UTRN: variants seen among roughly 807,000 people sequenced by gnomAD.
UTRN encodes the protein dystrophin-related protein 1.
UTRN carries 283 observed loss-of-function variants against 463.9 expected under a neutral mutation model. The ratio of observed to expected loss-of-function variants is 0.61; its 90% CI spans 0.55 to 0.67. The LOEUF is 0.67. UTRN is among the 30% of genes least tolerant of loss of function. The probability of loss-of-function intolerance (pLI) is 0.00; values close to 1 mark genes in which losing one functional copy is unlikely to be tolerated. For missense variants in UTRN, 3,922 were observed against 4,084.3 expected, an observed-to-expected ratio of 0.96 and a Z score of 1.08; for synonymous variants, 1,442 against 1,431.5, an observed-to-expected ratio of 1.01 and a Z score of -0.17.
intron 2 of UTRN, among the ~76,000 whole-genome samples, chr6:144,370,406 G>A (rs1223507866): frequency 1.3e-5 from 2 of 152,216 alleles, no homozygotes; most frequent in African/African-American, 4.8e-5. Context: ...GCATGGTGTT[G>A]GACCTGTAGG....
intron 66 of UTRN, among the ~76,000 whole-genome samples, chr6:144,824,770 T>TG (rs199498962): frequency 0.09 from 10,270 of 114,162 alleles, 575 homozygotes; most frequent in Middle Eastern, 0.1. Context: ...GTGAAGTTGG[T>TG]GGTGGGGGGG....
intron 63 of UTRN, among the ~76,000 whole-genome samples, chr6:144,795,245 C>T (rs1211500494): frequency 2.0e-5 from 3 of 152,128 alleles, no homozygotes; most frequent in Admixed American, 6.5e-5. Flanking sequence ...TGTATTTGTG[C>T]CACATTTTGT....
chr6:144,631,447 G>A (rs1337818562), intron 51 of UTRN, among the ~76,000 whole-genome samples: 2 of 152,122 alleles, frequency 1.3e-5, no homozygotes, highest in Non-Finnish European at 2.9e-5. Context: ...AGTTTAGAGA[G>A]CTCTTAAAGT....
chr6:144,389,447 T>C (rs1477773738), intron 2 of UTRN, among the ~76,000 whole-genome samples: 1 of 152,196 alleles, frequency 6.6e-6, no homozygotes, highest in Non-Finnish European at 1.5e-5. Flanking sequence ...CTCACATTTT[T>C]TGGTGCAAAG....
chr6:144,647,417 C>T (rs1444688992), intron 51 of UTRN, among the ~76,000 whole-genome samples: 1 of 152,168 alleles, frequency 6.6e-6, no homozygotes, highest in Non-Finnish European at 1.5e-5. Context: ...AAAATGTGTG[C>T]TGAGCCAGAT....
intron 51 of UTRN, among the ~76,000 whole-genome samples, chr6:144,658,271 A>G (rs562218145): frequency 6.6e-6 from 1 of 152,348 alleles, no homozygotes; most frequent in Non-Finnish European, 1.5e-5. Flanking sequence ...AATATTTTAA[A>G]AGCTTGTTAA....
At chr6:144,525,912 A>C (rs1214419689) in intron 41 of UTRN, among the ~76,000 whole-genome samples, 1 of 152,122 alleles carries the variant, frequency 6.6e-6, no homozygotes, top group East Asian at 1.9e-4. Flanking sequence ...AAGAATTTTT[A>C]AATTTCCATC....
rs188183848 is a variant in UTRN, at chr6:144,771,689, G to T, written c.8496-218G>T. Among the ~76,000 whole-genome samples the T allele has an allele frequency of 3.4e-4, 52 of 152,164 alleles. No individual in the cohort carries two copies. In the East Asian group the frequency reaches 8.7e-3, roughly 25 times the overall value. On this transcript the variant is annotated intron_variant, in intron 58 of 74. Transcript: ENST00000367545. ...GATCCACCTGCCTCGGCCTCCCAAAGTGCTGGGATTACAGGAAGAGCCACT... is the reference window on the plus strand; with the variant it reads ...GATCCACCTGCCTCGGCCTCCCAAATTGCTGGGATTACAGGAAGAGCCACT...
At chr6:144,297,230 G>A (rs918958148) in intron 2 of UTRN, among the ~76,000 whole-genome samples, 2 of 152,000 alleles carry the variant, frequency 1.3e-5, no homozygotes, top group African/African-American at 2.4e-5. Context: ...GGTTGGTTGA[G>A]GAGTGTAGGG....
At position 144,490,132 on chromosome 6, in the gene UTRN, G is replaced by C. The variant is rs151173089; in HGVS notation, c.4196G>C (p.Arg1399Pro). The change falls in exon 31 of 75, where the codon CGT becomes CCT. Residue 1399 changes from arginine (R) to proline (P), a missense_variant. Arg to Pro is a moderately radical substitution (Grantham distance 103). Transcript: ENST00000367545. ...CTAGAGGAGTTGAGAAGAAATATGC[G>C]TTCTCAGCCCCTGACCTCCCCAGAG... ...LTLEELRRNMRSQPLTSPESR... is the reference protein window; with the variant it reads ...LTLEELRRNMPSQPLTSPESR... The C allele has an allele frequency of 6.2e-7, 1 of 1,613,582 alleles. No individual in the cohort carries two copies. The highest frequency in any genetic ancestry group is 1.7e-5 in the Admixed American group (1 of 59,930).
chr6:144,329,740 AC>A (rs1174849160), intron 2 of UTRN, among the ~76,000 whole-genome samples: 3 of 152,062 alleles, frequency 2.0e-5, no homozygotes, highest in Non-Finnish European at 1.5e-5. Flanking sequence ...AAGTTCATGG[AC>A]CCCCTGCCTG....
At chr6:144,344,342 G>A in intron 2 of UTRN, 1 of 1,303,820 alleles carries the variant, frequency 7.7e-7, no homozygotes, top group Non-Finnish European at 1.0e-6. Flanking sequence ...AGCCAGTGAG[G>A]TTTTCTTAAG....
chr6:144,785,455 C>T (rs948476953), intron 61 of UTRN, among the ~76,000 whole-genome samples: 2 of 152,134 alleles, frequency 1.3e-5, no homozygotes, highest in African/African-American at 4.8e-5. Context: ...GCATATTAGT[C>T]ATAATTAAAG....
Position 144,437,656 on chromosome 6 carries a change from A to G in UTRN, c.1151A>G (p.Asp384Gly). 2 of 1,614,210 alleles carry G rather than the reference A, an allele frequency of 1.2e-6. No homozygotes were observed. The highest frequency in any genetic ancestry group is 1.7e-6 in the Non-Finnish European group (2 of 1,180,030). The change falls in exon 11 of 75, where the codon GAC becomes GGC. Residue 384 changes from aspartate to glycine, a missense_variant. Around this residue, in one of 3 missense-constraint regions of UTRN, gnomAD observed 2,349 missense variants for 2,303.8 expected, o/e 1.02. Coordinates refer to ENST00000367545, the MANE Select transcript of UTRN (RefSeq NM_007124.3). ...CTGATAACACAAGGAACTCTGTCAG[A>G]CGAAGAAGAATTTGAGATTCAGGAA... ...NQLITQGTLSDEEEFEIQEQM... is the reference protein window; with the variant it reads ...NQLITQGTLSGEEEFEIQEQM...
chr6:144,470,827 C>CCA, intron 23 of UTRN, among the ~76,000 whole-genome samples: 1 of 152,022 alleles, frequency 6.6e-6, no homozygotes, highest in East Asian at 1.9e-4. Context: ...GAACTGGAGA[C>CCA]CAGCCCGGCC....
chr6:144,767,961 T>G (rs1793546413), intron 58 of UTRN, among the ~76,000 whole-genome samples: 1 of 152,170 alleles, frequency 6.6e-6, no homozygotes, highest in Non-Finnish European at 1.5e-5. Context: ...AAGTGTTAGT[T>G]TTTGGAGAAA....
At chr6:144,708,253 T>C in intron 53 of UTRN, 1 of 644,860 alleles carries the variant, frequency 1.6e-6, no homozygotes, top group Non-Finnish European at 3.0e-6. Flanking sequence ...CTGCGATTGC[T>C]TCAATACTTG....
At chr6:144,521,285 T>A (rs144373991) in intron 39 of UTRN, among the ~76,000 whole-genome samples, 4 of 151,908 alleles carry the variant, frequency 2.6e-5, no homozygotes, top group Admixed American at 2.6e-4. Flanking sequence ...CACTCTGTCC[T>A]GCACCCCCCC....
chr6:144,560,586 T>C (rs1799779003), intron 50 of UTRN, among the ~76,000 whole-genome samples: 1 of 152,150 alleles, frequency 6.6e-6, no homozygotes, highest in African/African-American at 2.4e-5. Context: ...TATTTGCACA[T>C]GGAATACTGT....
Sources: gnomAD v4.1 joint callset for allele counts (sites outside exome capture counted in the v4.1 genomes callset) on GRCh38, gnomAD v4.1.1 for gene constraint, gnomAD v4.1.1 regional missense constraint, MANE v1.5 for transcripts, NCBI Gene and HGNC (gene_info 2026-07-23, HGNC 2026-07-21) for gene names.